The following OSBPL2 variants were observed in gnomAD, a reference collection of about 807,000 sequenced individuals.
OSBPL2 encodes the protein oxysterol binding protein like 2.
In OSBPL2, 18 loss-of-function variants were observed where a neutral mutation model predicts 58.4. The ratio of observed to expected loss-of-function variants is 0.31; its 90% CI spans 0.21 to 0.46. The LOEUF is 0.46. OSBPL2 is among the 20% of genes least tolerant of loss of function. The probability of loss-of-function intolerance (pLI) is 1.00; values close to 1 mark genes in which losing one functional copy is unlikely to be tolerated. For synonymous variants in OSBPL2, 221 were observed against 234.1 expected (o/e 0.94, Z 0.51); for missense variants, 461 against 616.5 (o/e 0.75, Z 2.67).
intron 1 of OSBPL2, among the ~76,000 whole-genome samples, chr20:62,254,667 C>G (rs1246686612): frequency 6.6e-6 from 1 of 152,260 alleles, no homozygotes; most frequent in Non-Finnish European, 1.5e-5. Flanking sequence ...CCGTTCTCGC[C>G]CCGGCGCCCT....
chr20:62,240,580 A>G (rs968019858), intron 1 of OSBPL2, among the ~76,000 whole-genome samples: 3 of 152,190 alleles, frequency 2.0e-5, no homozygotes, highest in African/African-American at 7.2e-5. Flanking sequence ...ATTATGAAAT[A>G]TGGATTTGAA....
At chr20:62,281,558 A>G in intron 8 of OSBPL2, 2 of 533,742 alleles carry the variant, frequency 3.7e-6, no homozygotes, top group Non-Finnish European at 6.8e-6. Context: ...GCATCATAAG[A>G]CTCGCCCATT....
At chr20:62,241,464 T>C (rs374135493) in intron 1 of OSBPL2, among the ~76,000 whole-genome samples, 8 of 152,352 alleles carry the variant, frequency 5.3e-5, no homozygotes, top group African/African-American at 1.9e-4. Context: ...TGTTGACACA[T>C]TTTAGGTTCT....
At chr20:62,278,169 T>C (rs1982506924) in intron 6 of OSBPL2, 3 of 176,838 alleles carry the variant, frequency 1.7e-5, no homozygotes, top group South Asian at 8.6e-5. Flanking sequence ...TCAGATGTGC[T>C]CTGGAAGCCA....
At chr20:62,280,999 G>A in intron 7 of OSBPL2, 59 bp from the exon 8 acceptor site, 3 of 1,370,848 alleles carry the variant, frequency 2.2e-6, no homozygotes, top group Non-Finnish European at 3.1e-6. Flanking sequence ...TGCGTCTTGG[G>A]TCACGTCGTG....
chr20:62,286,749 C>CTG, intron 11 of OSBPL2, 38 bp downstream of exon 11: 1 of 1,586,496 alleles, frequency 6.3e-7, no homozygotes, highest in Non-Finnish European at 8.6e-7. Flanking sequence ...TCTGCCTGCT[C>CTG]ATGTCACACC....
chr20:62,279,523 C>T (rs751687308), intron 7 of OSBPL2, 184 bp downstream of exon 7: 23 of 605,492 alleles, frequency 3.8e-5, no homozygotes, highest in Non-Finnish European at 6.3e-5. Flanking sequence ...TGCTGGGGTG[C>T]GTCCTCACGT....
intron 3 of OSBPL2, 22 bp downstream of exon 3, chr20:62,260,147 G>C (rs924716660): frequency 1.2e-6 from 2 of 1,609,918 alleles, no homozygotes; most frequent in Non-Finnish European, 1.7e-6. Context: ...CACGTCTGCT[G>C]TTTCTAAAAT....
At chr20:62,259,354 G>A (rs953170052) in intron 2 of OSBPL2, 2 of 152,284 alleles carry the variant, frequency 1.3e-5, no homozygotes, top group African/African-American at 2.4e-5. Flanking sequence ...CAGGACTTTT[G>A]CTCCAGGAGT....
chr20:62,290,411 G>GTTTTTTTTTTTTTTT (rs3065795), intron 12 of OSBPL2, among the ~76,000 whole-genome samples: 1 of 76,376 alleles, frequency 1.3e-5, no homozygotes, highest in Non-Finnish European at 2.3e-5. Context: ...AATTTTTTGG[G>GTTTTTTTTTTTTTTT]TTTTTTTTTT....
chr20:62,254,702 T>G (rs1980803698), intron 1 of OSBPL2, among the ~76,000 whole-genome samples: 1 of 152,256 alleles, frequency 6.6e-6, no homozygotes, highest in Non-Finnish European at 1.5e-5. Context: ...TGCAGAGAGC[T>G]CTGGGCTGGT....
intron 7 of OSBPL2, chr20:62,280,203 C>T (rs573269819): frequency 3.5e-5 from 34 of 967,222 alleles, no homozygotes; most frequent in African/African-American, 1.5e-4. Flanking sequence ...AAGTAATAAA[C>T]GACACCTTGC....
intron 4 of OSBPL2, among the ~76,000 whole-genome samples, chr20:62,268,301 A>T (rs1981828205): frequency 6.6e-6 from 1 of 152,042 alleles, no homozygotes; most frequent in South Asian, 2.1e-4. Context: ...TTGAGAGATG[A>T]CTTTTTAAAA....
rs1982751471 is a variant in OSBPL2, at chr20:62,281,115, C to T, written c.732C>T (p.Ile244=). Residue 244 remains isoleucine (I), a synonymous_variant, in exon 8 of 14, where the codon ATC becomes ATT. Transcript: ENST00000313733. ...CCTGCTGCGTCCACAACGTCATCATCGGGAAGCTGTGGATAGAGCAGTATG... is the reference window on the plus strand; with the variant it reads ...CCTGCTGCGTCCACAACGTCATCATTGGGAAGCTGTGGATAGAGCAGTATG... ...NPTCCVHNVI[I]GKLWIEQYGT... is the part of the protein sequence containing the mutation. The T allele has an allele frequency of 5.0e-6, 8 of 1,614,062 alleles. No homozygotes were observed. The highest frequency in any genetic ancestry group is 2.2e-5 in the East Asian group (1 of 44,896).
chr20:62,286,298 C>T (rs1983116030), intron 10 of OSBPL2: 1 of 278,746 alleles, frequency 3.6e-6, no homozygotes, highest in Non-Finnish European at 7.0e-6. Flanking sequence ...AAAGTACAAA[C>T]AATTAGCCGG....
chr20:62,292,669 A>G (rs1455649227), intron 13 of OSBPL2, among the ~76,000 whole-genome samples: 1 of 152,228 alleles, frequency 6.6e-6, no homozygotes, highest in East Asian at 1.9e-4. Context: ...TTTGTGAAGC[A>G]TCTTAATTCT....
At chr20:62,264,049 G>A in intron 4 of OSBPL2, among the ~76,000 whole-genome samples, 1 of 128,746 alleles carries the variant, frequency 7.8e-6, no homozygotes. Flanking sequence ...TGGGTGACAA[G>A]AGTGAGATTC....
chr20:62,239,709 G>T (rs952184342), intron 1 of OSBPL2, among the ~76,000 whole-genome samples: 1 of 152,202 alleles, frequency 6.6e-6, no homozygotes, highest in Non-Finnish European at 1.5e-5. Context: ...CCCGGAACTG[G>T]TGCAGGGGCC....
At chr20:62,287,581 C>T (rs182952395) in intron 11 of OSBPL2, among the ~76,000 whole-genome samples, 1,749 of 152,282 alleles carry the variant, frequency 0.011, 28 homozygotes, top group African/African-American at 0.04. Flanking sequence ...CTCAGCCTCC[C>T]TAGTAGCGAG....
Sources: gnomAD v4.1 joint callset for allele counts (sites outside exome capture counted in the v4.1 genomes callset) on GRCh38, gnomAD v4.1.1 for gene constraint, MANE v1.5 for transcripts, NCBI Gene and HGNC (gene_info 2026-07-23, HGNC 2026-07-21) for gene names.